RAD51B: variants seen among roughly 807,000 people sequenced by gnomAD.
RAD51B encodes DNA repair protein RAD51 homolog 2.
In RAD51B, 38 loss-of-function variants were observed where a neutral mutation model predicts 42.2. The observed-to-expected ratio is 0.90, with a 90% CI of 0.70 to 1.18. The LOEUF (loss-of-function observed/expected upper bound fraction) is 1.18, where lower values mean the gene tolerates loss of function less well. RAD51B is among the 50% of genes most tolerant of loss of function. The probability of loss-of-function intolerance (pLI) is 0.00; values close to 1 mark genes in which losing one functional copy is unlikely to be tolerated. For synonymous variants in RAD51B, 154 were observed against 145.2 expected, an observed-to-expected ratio of 1.06 and a Z score of -0.43; for missense variants, 373 against 400.7, an observed-to-expected ratio of 0.93 and a Z score of 0.59.
At chr14:68,321,085 T>G (rs1845060313) in intron 8 of RAD51B, among the ~76,000 whole-genome samples, 2 of 152,192 alleles carry the variant, frequency 1.3e-5, no homozygotes, top group Admixed American at 1.3e-4. Flanking sequence ...TCCTACTTCC[T>G]GTTTCCTTTA....
intron 7 of RAD51B, among the ~76,000 whole-genome samples, chr14:67,990,810 C>A (rs949159199): frequency 1.3e-5 from 2 of 152,104 alleles, no homozygotes; most frequent in Non-Finnish European, 1.5e-5. Context: ...AAGTAGGTGA[C>A]AGCGTGAAAA....
At chr14:68,318,279 A>G (rs1324302029) in intron 8 of RAD51B, among the ~76,000 whole-genome samples, 1 of 152,230 alleles carries the variant, frequency 6.6e-6, no homozygotes, top group Non-Finnish European at 1.5e-5. Flanking sequence ...GCTTAATGTA[A>G]TACTTTCAAG....
chr14:68,198,393 G>T (rs1595540220), intron 7 of RAD51B, among the ~76,000 whole-genome samples: 1 of 152,132 alleles, frequency 6.6e-6, no homozygotes, highest in East Asian at 1.9e-4. Context: ...GACTTTGTGA[G>T]TTTTTTAAAA....
At chr14:68,584,879 A>G (rs201232116) in intron 10 of RAD51B, among the ~76,000 whole-genome samples, 1 of 152,198 alleles carries the variant, frequency 6.6e-6, no homozygotes, top group East Asian at 1.9e-4. Flanking sequence ...TCATTTTCTG[A>G]ACATGAGGAA....
At chr14:68,594,846 A>G in exon 11 of RAD51B, 1 of 1,185,928 alleles carries the variant, frequency 8.4e-7, no homozygotes, top group Non-Finnish European at 1.1e-6. Context: ...CCCTCCCCAG[A>G]CCAAATGTCC....
intron 7 of RAD51B, among the ~76,000 whole-genome samples, chr14:68,103,425 T>TA (rs1329467256): frequency 6.6e-6 from 1 of 152,018 alleles, no homozygotes; most frequent in Admixed American, 6.6e-5. Flanking sequence ...AGTATGATGA[T>TA]AAAAAAACAT....
At chr14:68,198,415 T>C (rs1320648740) in intron 7 of RAD51B, among the ~76,000 whole-genome samples, 1 of 152,156 alleles carries the variant, frequency 6.6e-6, no homozygotes, top group Non-Finnish European at 1.5e-5. Flanking sequence ...ATCAATTTTT[T>C]TGGTATAAAT....
At chr14:68,296,193 A>T (rs1360465623) in intron 8 of RAD51B, among the ~76,000 whole-genome samples, 1 of 152,110 alleles carries the variant, frequency 6.6e-6, no homozygotes, top group African/African-American at 2.4e-5. Context: ...CCTCCTTATG[A>T]TCTTAACTGT....
chr14:67,938,774 G>A (rs905584676), intron 7 of RAD51B, among the ~76,000 whole-genome samples: 2 of 152,094 alleles, frequency 1.3e-5, no homozygotes, highest in Non-Finnish European at 2.9e-5. Flanking sequence ...TTGCCCAGAC[G>A]GACTCCTTAG....
intron 7 of RAD51B, among the ~76,000 whole-genome samples, chr14:68,094,930 G>A (rs2077166825): frequency 6.6e-6 from 1 of 152,118 alleles, no homozygotes; most frequent in Non-Finnish European, 1.5e-5. Flanking sequence ...AGGAATTTAT[G>A]TTTTTTTCCT....
rs202180544 is a variant in RAD51B, at chr14:68,075,216, G to A, written c.756+188012G>A. Among the ~76,000 whole-genome samples, 11 of 152,316 alleles carry A rather than the reference G, an allele frequency of 7.2e-5. No individual in the cohort carries two copies. In the East Asian group the frequency reaches 2.1e-3, roughly 29 times the overall value. ...CTTGCCTGGTGACAAACAGAGGGGA[G>A]TGAGAGATTCACAGGGAAGAAAGAC... On this transcript the variant is annotated intron_variant, in intron 7 of 10. Coordinates refer to ENST00000471583, the MANE Select transcript of RAD51B (RefSeq NM_133510.4).
chr14:67,917,899 A>G (rs1030611437), intron 7 of RAD51B, among the ~76,000 whole-genome samples: 2 of 152,150 alleles, frequency 1.3e-5, no homozygotes, highest in African/African-American at 4.8e-5. Flanking sequence ...GTTGGTTGTG[A>G]TGATTAAATA....
At chr14:68,612,529 GTGTGAT>G (rs747324507), downstream of RAD51B, among the ~76,000 whole-genome samples, 5 of 152,166 alleles carry the variant, frequency 3.3e-5, no homozygotes, top group Non-Finnish European at 7.3e-5. Flanking sequence ...GACAAATATT[GTGTGAT>G]TCCACTTACA....
rs555886716 is a variant in RAD51B at position 68,211,390 on chromosome 14, A to G, written c.757-80494A>G. On this transcript the variant is annotated intron_variant, in intron 7 of 10. Coordinates refer to ENST00000471583, the MANE Select transcript of RAD51B (RefSeq NM_133510.4). Reference sequence around the variant, plus strand: ...GAGAAGATAGAAGAATGAAAAGAACATCTCAGGTCCTGTTTTTGTACCACC... The same window carrying G: ...GAGAAGATAGAAGAATGAAAAGAACGTCTCAGGTCCTGTTTTTGTACCACC... Among the ~76,000 whole-genome samples the G allele has an allele frequency of 2.0e-4, 31 of 152,318 alleles. 1 individual carries two copies. The South Asian group carries it at 6.4e-3, about 32-fold the overall frequency.
intron 7 of RAD51B, among the ~76,000 whole-genome samples, chr14:68,027,384 A>G (rs2059813480): frequency 6.6e-6 from 1 of 152,032 alleles, no homozygotes; most frequent in Non-Finnish European, 1.5e-5. Context: ...TTACATGTCA[A>G]CGTGAGATTA....
chr14:68,622,723 C>CAAAAA lies in RAD51B; in HGVS notation c.1037-28042_1037-28038dup, dbSNP rs34816047. ...CTGGGTCTATTAATGTATCCATTTA[C>CAAAAA]AAAAAAAAAAAAAAAAAAAACTGGA... On this transcript the variant is annotated intron_variant, in intron 10 of 11. Coordinates refer to the RAD51B transcript ENST00000488612. Among the ~76,000 whole-genome samples the CAAAAA allele has an allele frequency of 1.2e-4, 14 of 115,454 alleles. 1 individual carries two copies. Among genetic ancestry groups the CAAAAA allele is most frequent in the African/African-American group, 1.6e-4 (5 of 31,382 alleles). The allele number at this position is 115,454 out of a possible 152,430, so 75.7% of individuals were successfully genotyped here.
At chr14:68,429,190 T>C (rs1301189413) in intron 9 of RAD51B, among the ~76,000 whole-genome samples, 1 of 152,182 alleles carries the variant, frequency 6.6e-6, no homozygotes, top group African/African-American at 2.4e-5. Flanking sequence ...GTCTTTGCTA[T>C]TGTGTATAGT....
intron 10 of RAD51B, among the ~76,000 whole-genome samples, chr14:68,634,364 C>G (rs1475365397): frequency 3.9e-5 from 6 of 152,192 alleles, no homozygotes; most frequent in South Asian, 2.1e-4. Flanking sequence ...AAACCGAATG[C>G]CTTCAACAGT....
At chr14:67,864,279 T>C (rs1478881783) in intron 4 of RAD51B, among the ~76,000 whole-genome samples, 1 of 152,224 alleles carries the variant, frequency 6.6e-6, no homozygotes, top group Non-Finnish European at 1.5e-5. Context: ...TTCCTATTAT[T>C]TCCTGTCTAT....
Sources: allele counts gnomAD v4.1 joint callset (sites outside exome capture counted in the v4.1 genomes callset), GRCh38; gene constraint gnomAD v4.1.1; transcripts MANE v1.5; gene names NCBI Gene and HGNC (gene_info 2026-07-23, HGNC 2026-07-21).